MAMLD1: variants seen among roughly 807,000 people sequenced by gnomAD.
MAMLD1 encodes mastermind like domain containing 1.
MAMLD1 carries 14 observed loss-of-function variants against 45.0 expected under a neutral mutation model. The ratio of observed to expected loss-of-function variants is 0.31; its 90% CI spans 0.21 to 0.49. The LOEUF (loss-of-function observed/expected upper bound fraction) is 0.49. MAMLD1 is among the 20% of genes least tolerant of loss of function. The probability of loss-of-function intolerance (pLI) is 0.99; values close to 1 mark genes in which losing one functional copy is unlikely to be tolerated. For missense variants in MAMLD1, 543 were observed against 603.6 expected (o/e 0.90, Z 1.05); for synonymous variants, 254 against 247.8 (o/e 1.02, Z -0.24).
intron 1 of MAMLD1, among the ~76,000 whole-genome samples, chrX:150,411,034 C>A (rs1291923598): frequency 9.3e-6 from 1 of 107,667 alleles, no homozygotes. Context: ...ATTTTATGTA[C>A]GGCCCAGGAC....
Position 150,513,864 on chromosome X carries a change from C to G in MAMLD1, c.*1905C>G. 3.4e-6 allele frequency: 1 copy of G among 297,561 alleles called. No homozygotes were observed. The allele number at this position is 297,561 out of a possible 1,213,427, so 24.5% of individuals were successfully genotyped here. ...CCTCGTGGGGTTAAGGCGAGCTGTT[C>G]CTGGTTTAAAGCCTTTCAGTATTTG... On this transcript the variant is annotated 3_prime_UTR_variant, in exon 8 of 8. Transcript: ENST00000370401.
At chrX:150,469,364 G>A (rs1358664183) in intron 3 of MAMLD1, among the ~76,000 whole-genome samples, 1 of 112,056 alleles carries the variant, frequency 8.9e-6, no homozygotes, top group East Asian at 2.8e-4. Context: ...TCCTTGAAGT[G>A]GGCAGATTAC....
intron 1 of MAMLD1, among the ~76,000 whole-genome samples, chrX:150,371,975 C>G (rs1473671004): frequency 8.9e-6 from 1 of 111,917 alleles, no homozygotes; most frequent in Non-Finnish European, 1.9e-5. Context: ...GTAAAGGGAG[C>G]CCAAAGTTGA....
intron 1 of MAMLD1, among the ~76,000 whole-genome samples, chrX:150,365,620 G>C (rs1424716798): frequency 1.8e-5 from 2 of 113,298 alleles, no homozygotes; most frequent in Admixed American, 9.2e-5. Flanking sequence ...GCGGCAGCTC[G>C]GAGGCTTAGG....
chrX:150,506,910 G>C (rs1364003495), intron 6 of MAMLD1, among the ~76,000 whole-genome samples: 1 of 112,586 alleles, frequency 8.9e-6, no homozygotes, highest in Non-Finnish European at 1.9e-5. Context: ...AAAGCTTCTA[G>C]AAAGGCATCC....
At chrX:150,458,336 T>C (rs995503998) in intron 2 of MAMLD1, among the ~76,000 whole-genome samples, 1 of 111,513 alleles carries the variant, frequency 9.0e-6, no homozygotes, top group South Asian at 3.8e-4. Flanking sequence ...CCCACCTACA[T>C]AGCAGTTGAA....
chrX:150,398,400 A>G (rs12847823), intron 1 of MAMLD1, among the ~76,000 whole-genome samples: 4 of 109,985 alleles, frequency 3.6e-5, no homozygotes, highest in African/African-American at 1.3e-4. Context: ...AAGAAGAAGA[A>G]GAAGACAGGG....
chrX:150,472,006 T>C (rs781844126), intron 4 of MAMLD1, among the ~76,000 whole-genome samples: 24 of 111,969 alleles, frequency 2.1e-4, no homozygotes, highest in Non-Finnish European at 4.1e-4. Flanking sequence ...AAGACAGGTA[T>C]TTGCAAGGTA....
intron 1 of MAMLD1, among the ~76,000 whole-genome samples, chrX:150,397,534 T>A (rs1265774372): frequency 5.4e-5 from 6 of 111,754 alleles, no homozygotes; most frequent in Non-Finnish European, 1.1e-4. Context: ...TTTGGGAATA[T>A]GGAATAAACT....
In MAMLD1 at chrX:150,503,255, G is replaced by C. The variant is rs369226566; in HGVS notation, c.2041-19G>C. On this transcript the variant is annotated intron_variant, in intron 5 of 7. Transcript: ENST00000370401. ...TTTGTGGCCAAGCAGCTGATGGATT[G>C]TTCAATCGGTTGTTGTAGACTCATG... is the stretch of plus-strand genomic sequence containing the variant. 4.0e-5 allele frequency: 48 copies of C among 1,200,172 alleles called. No homozygotes were observed. The highest frequency in any genetic ancestry group is 5.1e-5 in the Non-Finnish European group (45 of 885,596).
chrX:150,462,985 T>C, intron 3 of MAMLD1, 139 bp downstream of exon 3: 1 of 537,942 alleles, frequency 1.9e-6, no homozygotes. Flanking sequence ...AGTGAGAAGG[T>C]TGGGCTTAAA....
chrX:150,432,565 T>A (rs2034990139), intron 1 of MAMLD1, among the ~76,000 whole-genome samples: 1 of 112,217 alleles, frequency 8.9e-6, no homozygotes, highest in Non-Finnish European at 1.9e-5. Flanking sequence ...TACATTTAAG[T>A]CTTTAAACCT....
chrX:150,498,550 G>C, intron 5 of MAMLD1, among the ~76,000 whole-genome samples: 1 of 112,295 alleles, frequency 8.9e-6, no homozygotes, highest in Non-Finnish European at 1.9e-5. Context: ...GCAGTCACAT[G>C]TAACTATTTA....
In MAMLD1 at chrX:150,460,838, A is replaced by T. The variant is rs73613301; in HGVS notation, c.97-1934A>T. The stretch of plus-strand genomic sequence containing the variant: ...CTCTACCAGATGTCCTGTCCCTGAA[A>T]TGTACCAGTAGCCCCTCTAAAAACC... On this transcript the variant is annotated intron_variant, in intron 2 of 7. Coordinates refer to ENST00000370401, the MANE Select transcript of MAMLD1 (RefSeq NM_005491.5). Among the ~76,000 whole-genome samples the T allele has an allele frequency of 1.4e-3, 154 of 112,088 alleles. 1 individual carries two copies. Among genetic ancestry groups the T allele is most frequent in the African/African-American group, 4.8e-3 (149 of 30,873 alleles).
At chrX:150,420,690 AC>A (rs2034460799) in intron 1 of MAMLD1, among the ~76,000 whole-genome samples, 1 of 111,914 alleles carries the variant, frequency 8.9e-6, no homozygotes, top group African/African-American at 3.3e-5. Flanking sequence ...CTGTTGGAGT[AC>A]CCTGCCATGT....
At chrX:150,413,199 G>C (rs915552305) in intron 1 of MAMLD1, among the ~76,000 whole-genome samples, 6 of 111,674 alleles carry the variant, frequency 5.4e-5, no homozygotes, top group Non-Finnish European at 7.5e-5. Context: ...CATGGATCTT[G>C]AGAGATCATC....
At chrX:150,444,362 G>A (rs1399751337) in intron 1 of MAMLD1, among the ~76,000 whole-genome samples, 1 of 111,780 alleles carries the variant, frequency 8.9e-6, no homozygotes, top group Non-Finnish European at 1.9e-5. Flanking sequence ...GAAAGAGCAG[G>A]CTTTTGTTGG....
At chrX:150,458,187 G>T (rs1169742195) in intron 2 of MAMLD1, among the ~76,000 whole-genome samples, 1 of 111,632 alleles carries the variant, frequency 9.0e-6, no homozygotes, top group South Asian at 3.8e-4. Context: ...AGCTACATAG[G>T]CATGTTCTGG....
At chrX:150,463,717 C>A (rs1475659948) in intron 3 of MAMLD1, among the ~76,000 whole-genome samples, 1 of 111,391 alleles carries the variant, frequency 9.0e-6, no homozygotes, top group Non-Finnish European at 1.9e-5. Context: ...CTGTTGAAGC[C>A]CCAGCCCTCA....
Sources: gnomAD v4.1 joint callset for allele counts (sites outside exome capture counted in the v4.1 genomes callset) on GRCh38, gnomAD v4.1.1 for gene constraint, MANE v1.5 for transcripts, NCBI Gene and HGNC (gene_info 2026-07-23, HGNC 2026-07-21) for gene names.